DMRT1: variants seen among roughly 807,000 people sequenced by gnomAD.
DMRT1 encodes doublesex- and mab-3-related transcription factor 1.
A neutral mutation model predicts 32.3 loss-of-function variants in DMRT1; 7 were observed. The ratio of observed to expected loss-of-function variants is 0.22; its 90% confidence interval spans 0.12 to 0.41. The LOEUF is 0.41. Ranked by LOEUF, DMRT1 falls within the 10% of genes least tolerant of loss-of-function variation. The pLI is 1.00. For synonymous variants in DMRT1, 278 were observed against 206.1 expected (o/e 1.35, Z -2.99); for missense variants, 625 against 500.5 (o/e 1.25, Z -2.37).
chr9:928,098 G>T (rs1257489247), intron 4 of DMRT1, among the ~76,000 whole-genome samples: 2 of 152,138 alleles, frequency 1.3e-5, no homozygotes, highest in Non-Finnish European at 2.9e-5. Flanking sequence ...GAAAGATGCT[G>T]CTTCCAAGAG....
At chr9:845,290 A>G (rs930381840) in intron 1 of DMRT1, among the ~76,000 whole-genome samples, 1 of 151,738 alleles carries the variant, frequency 6.6e-6, no homozygotes, top group Non-Finnish European at 1.5e-5. Flanking sequence ...GCTCACTGCA[A>G]CCTCCACCTC....
intron 2 of DMRT1, among the ~76,000 whole-genome samples, chr9:889,086 C>T (rs1039569027): frequency 6.6e-6 from 1 of 152,046 alleles, no homozygotes; most frequent in African/African-American, 2.4e-5. Flanking sequence ...TCTTTACGTT[C>T]CCAGGTAATG....
chr9:926,468 T>G lies in DMRT1; in HGVS notation c.967+9561T>G, dbSNP rs184489144. 1.3e-3 allele frequency among the ~76,000 whole-genome samples: 193 copies of G among 152,316 alleles called. 2 individuals are homozygous for G. In the Middle Eastern group the frequency reaches 0.051, roughly 40 times the overall value. On this transcript the variant is annotated intron_variant, in intron 4 of 4. Coordinates refer to ENST00000382276, the MANE Select transcript of DMRT1 (RefSeq NM_021951.3). ...AAGTGATTACATATTCTACTTGTTA[T>G]TTTATTGTTAAACTCCTGTGACTAA... is the stretch of plus-strand genomic sequence containing the variant.
At chr9:942,074 G>A (rs796995542) in intron 4 of DMRT1, among the ~76,000 whole-genome samples, 9 of 152,234 alleles carry the variant, frequency 5.9e-5, no homozygotes, top group African/African-American at 2.2e-4. Context: ...TATTCTCTGG[G>A]ACATTTTAAG....
chr9:886,489 C>T (rs1159811913), intron 2 of DMRT1, among the ~76,000 whole-genome samples: 1 of 152,002 alleles, frequency 6.6e-6, no homozygotes, highest in Admixed American at 6.6e-5. Context: ...CTCCTGACCT[C>T]AAGTGATCCA....
chr9:882,129 AGCAGGAATCAGG>A (rs1362865273), intron 2 of DMRT1, among the ~76,000 whole-genome samples: 1 of 152,174 alleles, frequency 6.6e-6, no homozygotes, highest in Non-Finnish European at 1.5e-5. Context: ...AGCTGCAGAG[AGCAGGAATCAGG>A]GCAGGGAGAG....
chr9:951,654 G>C (rs765968371), intron 4 of DMRT1, among the ~76,000 whole-genome samples: 4 of 152,186 alleles, frequency 2.6e-5, no homozygotes, highest in Non-Finnish European at 5.9e-5. Flanking sequence ...TCTTTGAAGA[G>C]CTCCAAGCAA....
At chr9:945,340 G>C (rs1374990017) in intron 4 of DMRT1, among the ~76,000 whole-genome samples, 1 of 152,106 alleles carries the variant, frequency 6.6e-6, no homozygotes, top group Non-Finnish European at 1.5e-5. Context: ...ATTTTTAGTA[G>C]AGACAGGGTT....
At chr9:937,825 T>C (rs1246045483) in intron 4 of DMRT1, among the ~76,000 whole-genome samples, 1 of 152,116 alleles carries the variant, frequency 6.6e-6, no homozygotes, top group Admixed American at 6.5e-5. Flanking sequence ...TAGTATCTTT[T>C]GCACAAAAGT....
intron 2 of DMRT1, among the ~76,000 whole-genome samples, chr9:878,282 T>C (rs935830592): frequency 7.8e-6 from 1 of 127,788 alleles, no homozygotes; most frequent in Non-Finnish European, 1.5e-5. Context: ...CAGAGTCGAA[T>C]AAAGGAGGAG....
At position 894,036 on chromosome 9, in the gene DMRT1, T is replaced by C. The variant is rs16925431; in HGVS notation, c.663T>C (p.Tyr221=). The change falls in exon 3 of 5, where the codon TAT becomes TAC. Residue 221 remains tyrosine, a synonymous_variant. Coordinates refer to ENST00000382276, the MANE Select transcript of DMRT1 (RefSeq NM_021951.3). ...SSFYQPSLFP[Y]YNNLYNCPQY... Reference sequence around the variant, plus strand: ...TCTACCAGCCGTCTCTGTTTCCTTATTACAACAATCTATACAACTGCCCGC... The same window carrying C: ...TCTACCAGCCGTCTCTGTTTCCTTACTACAACAATCTATACAACTGCCCGC... 0.025 allele frequency: 39,923 copies of C among 1,614,222 alleles called. 671 individuals carry two copies. The highest frequency in any genetic ancestry group is 0.08 in the African/African-American group (6,000 of 75,058).
At chr9:890,171 T>G (rs553994316) in intron 2 of DMRT1, among the ~76,000 whole-genome samples, 1 of 142,210 alleles carries the variant, frequency 7.0e-6, no homozygotes, top group South Asian at 2.3e-4. Context: ...TCAGGCCGAC[T>G]GAGCTGAGAT....
chr9:843,176 G>A (rs954369122), intron 1 of DMRT1, among the ~76,000 whole-genome samples: 2 of 152,228 alleles, frequency 1.3e-5, no homozygotes, highest in African/African-American at 4.8e-5. Flanking sequence ...GGATCTTGGA[G>A]GGCGGCAGCG....
At chr9:864,988 T>C (rs1291893069) in intron 2 of DMRT1, among the ~76,000 whole-genome samples, 2 of 152,206 alleles carry the variant, frequency 1.3e-5, no homozygotes, top group Non-Finnish European at 2.9e-5. Context: ...TCCAGTCACA[T>C]ATTCTGGTTT....
At chr9:846,296 G>T (rs966480746) in intron 1 of DMRT1, among the ~76,000 whole-genome samples, 2 of 152,088 alleles carry the variant, frequency 1.3e-5, no homozygotes, top group African/African-American at 2.4e-5. Context: ...GCCTCCCAAA[G>T]TGCTGGGATT....
chr9:886,403 G>A (rs918092995), intron 2 of DMRT1, among the ~76,000 whole-genome samples: 3 of 152,106 alleles, frequency 2.0e-5, no homozygotes, highest in East Asian at 3.9e-4. Flanking sequence ...CTACAGGCAC[G>A]GGCCAGATAC....
intron 4 of DMRT1, among the ~76,000 whole-genome samples, chr9:945,937 G>A (rs964759712): frequency 6.6e-6 from 1 of 151,686 alleles, no homozygotes; most frequent in African/African-American, 2.4e-5. Context: ...TAACATAAGG[G>A]GTGTTGTAGT....
chr9:914,803 C>T (rs1022158013), intron 3 of DMRT1, among the ~76,000 whole-genome samples: 8 of 152,082 alleles, frequency 5.3e-5, no homozygotes, highest in African/African-American at 1.9e-4. Flanking sequence ...AGCTTGAGAG[C>T]AGTAGAGATC....
chr9:968,090 C>T lies in DMRT1; in HGVS notation c.1073C>T (p.Ser358Leu). The T allele has an allele frequency of 6.2e-7, 1 of 1,614,164 alleles. No individual in the cohort carries two copies. The highest frequency in any genetic ancestry group is 8.5e-7 in the Non-Finnish European group (1 of 1,180,048). The change falls in exon 5 of 5, where the codon TCG (serine) becomes TTG (leucine). Residue 358 changes from serine (S) to leucine (L), a missense_variant. This residue lies in a region of DMRT1 where 416 missense variants were observed against 321.6 expected (regional missense o/e 1.29). Transcript: ENST00000382276. ...TKAVLECEPA[S>L]EPSSFTVTPV... The stretch of plus-strand genomic sequence containing the variant: ...GCAGTGCTTGAATGTGAGCCTGCGT[C>T]GGAGCCCAGCAGCTTCACAGTCACT...
Sources: allele counts gnomAD v4.1 joint callset (sites outside exome capture counted in the v4.1 genomes callset), GRCh38; gene constraint gnomAD v4.1.1; regional missense constraint gnomAD v4.1.1; transcripts MANE v1.5; gene names NCBI Gene and HGNC (gene_info 2026-07-23, HGNC 2026-07-21).